CDH4: variants seen among roughly 807,000 people sequenced by gnomAD.
The protein encoded by CDH4 is cadherin 4, also known as cadherin-4.
Under a neutral mutation model 86.0 loss-of-function variants are expected in CDH4, and 33 were observed. The observed-to-expected ratio is 0.38, with a 90% CI of 0.29 to 0.51. CDH4 has a LOEUF of 0.51. Among genes scored for constraint, CDH4 ranks in the 20% least tolerant of loss-of-function variants. The pLI is 0.86. For missense variants in CDH4, 1,114 were observed against 1,307.4 expected, an observed-to-expected ratio of 0.85 and a Z score of 2.28; for synonymous variants, 555 against 549.4, an observed-to-expected ratio of 1.01 and a Z score of -0.14.
chr20:61,744,331 G>A (rs949101039), intron 3 of CDH4, among the ~76,000 whole-genome samples: 2 of 151,494 alleles, frequency 1.3e-5, no homozygotes, highest in African/African-American at 4.9e-5. Flanking sequence ...GAGAAGAGAG[G>A]TGGAGAGAGA....
chr20:61,489,998 G>A (rs898622504), intron 2 of CDH4, among the ~76,000 whole-genome samples: 3 of 152,096 alleles, frequency 2.0e-5, no homozygotes, highest in African/African-American at 7.2e-5. Context: ...TTGTGATGAT[G>A]GGCCAAGTTT....
chr20:61,368,988 A>T (rs1438540399), intron 2 of CDH4, among the ~76,000 whole-genome samples: 3 of 152,210 alleles, frequency 2.0e-5, no homozygotes, highest in African/African-American at 7.2e-5. Flanking sequence ...CCCGAATCTA[A>T]TCATGAGAAA....
chr20:61,318,118 G>A (rs915121981), intron 2 of CDH4, among the ~76,000 whole-genome samples: 3 of 152,272 alleles, frequency 2.0e-5, no homozygotes, highest in Admixed American at 6.5e-5. Context: ...GGACCCATGC[G>A]CCCCCACCCT....
In CDH4 at chr20:61,910,583, C is replaced by T. The variant is rs78259850; in HGVS notation, c.1350C>T (p.Asn450=). The T allele has an allele frequency of 3.5e-3, 5,647 of 1,613,630 alleles. 11 individuals carry two copies. Among genetic ancestry groups the T allele is most frequent in the Non-Finnish European group, 4.4e-3 (5,177 of 1,179,916 alleles). The change falls in exon 9 of 16, where the codon AAC becomes AAT. Residue 450 remains asparagine (N), a synonymous_variant. Coordinates refer to ENST00000614565, the MANE Select transcript of CDH4 (RefSeq NM_001794.5). Reference sequence around the variant, plus strand: ...GCGTCCGCACAGACCCCGTAACCAACGAGGGCATGGTCACCGTGGTGAAGG... The same window carrying T: ...GCGTCCGCACAGACCCCGTAACCAATGAGGGCATGGTCACCGTGGTGAAGG... ...HFSVRTDPVT[N]EGMVTVVKAV... is the part of the protein sequence containing the mutation.
chr20:61,326,410 C>T (rs2084537165), intron 2 of CDH4, among the ~76,000 whole-genome samples: 1 of 152,216 alleles, frequency 6.6e-6, no homozygotes, highest in Admixed American at 6.5e-5. Context: ...TGTGTGGCTT[C>T]AGAATCTTCT....
chr20:61,901,322 C>G (rs2054724243), intron 8 of CDH4, among the ~76,000 whole-genome samples: 1 of 152,222 alleles, frequency 6.6e-6, no homozygotes, highest in African/African-American at 2.4e-5. Flanking sequence ...ACTCAGAACT[C>G]AGCAGAAATC....
chr20:61,529,283 C>A (rs2085935200), intron 2 of CDH4, among the ~76,000 whole-genome samples: 1 of 152,156 alleles, frequency 6.6e-6, no homozygotes, highest in South Asian at 2.1e-4. Flanking sequence ...TTTACATAGG[C>A]TTTAAATATC....
Position 61,252,529 on chromosome 20 carries a change from G to A in CDH4, c.16G>A (p.Gly6Ser). MTAGA[G>S]VLLLLLSLSG... ...GGCGGGGAAGATGACCGCGGGCGCCGGCGTGCTCCTTCTGCTGCTCTCGCT... is the reference window on the plus strand; with the variant it reads ...GGCGGGGAAGATGACCGCGGGCGCCAGCGTGCTCCTTCTGCTGCTCTCGCT... The change falls in exon 1 of 16, where the codon GGC becomes AGC. Residue 6 changes from glycine to serine, a missense_variant. This residue lies in a region of CDH4 where 221 missense variants were observed against 209.5 expected (regional missense o/e 1.05). Coordinates refer to ENST00000614565, the MANE Select transcript of CDH4 (RefSeq NM_001794.5). This position sits in a 1 kb window ranked among gnomAD's most constrained non-coding sequence, Gnocchi z 4.4. 1 of 1,196,364 alleles carries A rather than the reference G, an allele frequency of 8.4e-7. No homozygotes were observed. Among genetic ancestry groups the A allele is most frequent in the Non-Finnish European group, 1.0e-6 (1 of 965,458 alleles). 74.1% of individuals were successfully genotyped at this position (1,196,364 alleles called of 1,614,324 possible).
intron 2 of CDH4, among the ~76,000 whole-genome samples, chr20:61,609,741 C>T (rs533859180): frequency 6.6e-6 from 1 of 152,368 alleles, no homozygotes; most frequent in African/African-American, 2.4e-5. Context: ...AGCAGCTCTG[C>T]ACATGTGCGT....
At chr20:61,456,057 AAGAG>A (rs892260159) in intron 2 of CDH4, among the ~76,000 whole-genome samples, 3 of 151,832 alleles carry the variant, frequency 2.0e-5, no homozygotes, top group African/African-American at 4.8e-5. Context: ...GAAGGAAGGA[AAGAG>A]AGAGGGATGG....
At chr20:61,308,540 A>G (rs77631416) in intron 2 of CDH4, among the ~76,000 whole-genome samples, 7,946 of 152,142 alleles carry the variant, frequency 0.052, 307 homozygotes, top group Non-Finnish European at 0.08. Context: ...AGTCTGTGGG[A>G]TTTTTCTGCT....
intron 2 of CDH4, among the ~76,000 whole-genome samples, chr20:61,597,381 T>C (rs2086564353): frequency 6.6e-6 from 1 of 152,198 alleles, no homozygotes; most frequent in Admixed American, 6.5e-5. Flanking sequence ...TATACAAGGA[T>C]TGTGCCTGTC....
intron 4 of CDH4, among the ~76,000 whole-genome samples, chr20:61,776,100 G>A (rs756455751): frequency 3.9e-5 from 6 of 152,188 alleles, no homozygotes; most frequent in Non-Finnish European, 5.9e-5. Flanking sequence ...CAGAGGGCTC[G>A]GGTAAGGATG....
intron 2 of CDH4, among the ~76,000 whole-genome samples, chr20:61,673,837 T>C (rs1163852928): frequency 6.6e-6 from 1 of 152,180 alleles, no homozygotes. Flanking sequence ...ATCACATCTC[T>C]CTTCTAGACA....
intron 2 of CDH4, among the ~76,000 whole-genome samples, chr20:61,490,276 G>A (rs1342270756): frequency 6.6e-6 from 1 of 152,216 alleles, no homozygotes; most frequent in African/African-American, 2.4e-5. Flanking sequence ...TGATGAGAAG[G>A]AGCAGCCTGC....
chr20:61,779,969 C>T (rs570439829), intron 4 of CDH4, among the ~76,000 whole-genome samples: 1 of 152,344 alleles, frequency 6.6e-6, no homozygotes, highest in South Asian at 2.1e-4. Flanking sequence ...TAAGCACCCA[C>T]TTTCCAATAC....
chr20:61,860,618 A>G (rs575672937), intron 6 of CDH4, among the ~76,000 whole-genome samples: 87 of 152,244 alleles, frequency 5.7e-4, no homozygotes, highest in African/African-American at 1.8e-3. Flanking sequence ...AAGGGCCCCA[A>G]TGCAAGGCAA....
chr20:61,656,436 G>A lies in CDH4; in HGVS notation c.170-87127G>A, dbSNP rs2087192021. On this transcript the variant is annotated intron_variant, in intron 2 of 15. Coordinates refer to ENST00000614565, the MANE Select transcript of CDH4 (RefSeq NM_001794.5). ...TGCTGAGGTGGGCAGGTGCATGCTG[G>A]GGTGGAAAGGTTTGTGATTGGGTGG... 2.0e-5 allele frequency among the ~76,000 whole-genome samples: 3 copies of A among 152,052 alleles called. No homozygotes were observed. The South Asian group carries it at 6.2e-4, about 32-fold the overall frequency.
intron 4 of CDH4, among the ~76,000 whole-genome samples, chr20:61,837,645 G>A (rs541922401): frequency 2.0e-5 from 3 of 152,246 alleles, no homozygotes; most frequent in African/African-American, 7.2e-5. Context: ...CTGAGGCTGT[G>A]GTGAGGACAC....
Sources: gnomAD v4.1 joint callset for allele counts (sites outside exome capture counted in the v4.1 genomes callset) on GRCh38, gnomAD v4.1.1 for gene constraint, gnomAD v4.1.1 regional missense constraint, Gnocchi (gnomAD v3.1) non-coding constraint, MANE v1.5 for transcripts, NCBI Gene and HGNC (gene_info 2026-07-23, HGNC 2026-07-21) for gene names.